IFT80: variants seen among roughly 807,000 people sequenced by gnomAD.
IFT80 encodes intraflagellar transport protein 80 homolog.
IFT80 carries 79 observed loss-of-function variants against 107.9 expected under a neutral mutation model. The observed-to-expected ratio is 0.73, with a 90% CI of 0.61 to 0.88. IFT80 has a LOEUF of 0.88. Ranked by LOEUF, IFT80 falls within the 40% of genes least tolerant of loss-of-function variation. The pLI is 0.00. For synonymous variants in IFT80, 299 were observed against 300.9 expected (o/e 0.99, Z 0.07); for missense variants, 797 against 914.2 (o/e 0.87, Z 1.65).
intron 9 of IFT80, among the ~76,000 whole-genome samples, chr3:160,317,468 C>G (rs974521328): frequency 6.6e-6 from 1 of 152,038 alleles, no homozygotes; most frequent in African/African-American, 2.4e-5. Context: ...AAGAACTCCT[C>G]TTTCTAGATA....
chr3:160,392,380 C>T (rs1490153150), intron 1 of IFT80, among the ~76,000 whole-genome samples: 1 of 152,188 alleles, frequency 6.6e-6, no homozygotes, highest in African/African-American at 2.4e-5. Flanking sequence ...TACCTCTCCA[C>T]TGAACCCCAC....
chr3:160,313,854 C>T lies in IFT80; in HGVS notation c.957+5906G>A, dbSNP rs188231068. 6.1e-3 allele frequency among the ~76,000 whole-genome samples: 932 copies of T among 152,138 alleles called. 13 individuals carry two copies. The highest frequency in any genetic ancestry group is 0.021 in the African/African-American group (889 of 41,518). Reference sequence around the variant, plus strand: ...TTAACTTCTGACCTTGTGATCCACCCGCCTCGGCCTCCCAAAGTGCTGGGA... The same window carrying T: ...TTAACTTCTGACCTTGTGATCCACCTGCCTCGGCCTCCCAAAGTGCTGGGA... On this transcript the variant is annotated intron_variant, in intron 9 of 19. Coordinates refer to ENST00000326448, the MANE Select transcript of IFT80 (RefSeq NM_020800.3).
intron 5 of IFT80, among the ~76,000 whole-genome samples, chr3:160,368,170 T>A (rs1480750255): frequency 1.3e-5 from 2 of 151,818 alleles, no homozygotes; most frequent in Non-Finnish European, 2.9e-5. Flanking sequence ...TTTATTCAAA[T>A]GAAAAGCCCA....
intron 8 of IFT80, among the ~76,000 whole-genome samples, chr3:160,333,303 T>G (rs1343020876): frequency 6.6e-6 from 1 of 152,176 alleles, no homozygotes; most frequent in African/African-American, 2.4e-5. Context: ...ACTATCAATT[T>G]TATAAACACT....
At chr3:160,288,105 G>A (rs555571952) in intron 12 of IFT80, among the ~76,000 whole-genome samples, 159 of 152,304 alleles carry the variant, frequency 1.0e-3, no homozygotes, top group African/African-American at 3.6e-3. Context: ...AGCACTTTGG[G>A]AGGCCGAGGT....
rs147725363 is a variant in IFT80, at chr3:160,307,702, T to C, written c.1037A>G (p.His346Arg). 4 of 1,596,928 alleles carry C rather than the reference T, an allele frequency of 2.5e-6. No homozygotes were observed. The highest frequency in any genetic ancestry group is 3.4e-6 in the Non-Finnish European group (4 of 1,164,382). Residue 346 changes from histidine (H) to arginine (R), a missense_variant, in exon 10 of 20, where the codon CAC becomes CGC. Physicochemically the swap from His to Arg is conservative, Grantham distance 29. Transcript: ENST00000326448. ...TTGAAGAGACGTTGAAACAACTAAG[T>C]GTGCATAGTTCAAAGATGCTTTAAT... ...RVIKASLNYA[H>R]LVVSTSLQCY...
chr3:160,293,026 T>C (rs973745231), intron 12 of IFT80, among the ~76,000 whole-genome samples: 1 of 152,194 alleles, frequency 6.6e-6, no homozygotes, highest in Non-Finnish European at 1.5e-5. Flanking sequence ...TATTGGCTGG[T>C]AGCGGAAATA....
chr3:160,307,818 A>G, intron 9 of IFT80, 37 bp from the exon 10 acceptor site: 1 of 1,045,730 alleles, frequency 9.6e-7, no homozygotes, highest in Non-Finnish European at 1.5e-6. Flanking sequence ...TAAACATTAT[A>G]ACATATCCAA....
intron 9 of IFT80, among the ~76,000 whole-genome samples, chr3:160,312,629 A>T (rs1456457020): frequency 8.1e-5 from 5 of 61,482 alleles, no homozygotes; most frequent in Non-Finnish European, 1.5e-4. Context: ...TAATATATAT[A>T]TATAATAAAT....
intron 8 of IFT80, among the ~76,000 whole-genome samples, chr3:160,331,127 A>G (rs922542762): frequency 1.3e-5 from 2 of 152,110 alleles, no homozygotes; most frequent in Non-Finnish European, 2.9e-5. Context: ...TCTTTGGCAC[A>G]CTGAATTGCT....
intron 18 of IFT80, among the ~76,000 whole-genome samples, chr3:160,269,560 T>C (rs1221220226): frequency 6.6e-6 from 1 of 152,226 alleles, no homozygotes; most frequent in Non-Finnish European, 1.5e-5. Flanking sequence ...CTAAATAAAT[T>C]GCTGCTGAAA....
intron 8 of IFT80, among the ~76,000 whole-genome samples, chr3:160,338,790 C>T: frequency 6.6e-6 from 1 of 152,324 alleles, no homozygotes; most frequent in South Asian, 2.1e-4. Context: ...CCAATCTCTT[C>T]TGGCTCTTGC....
chr3:160,351,562 T>C (rs1394671958), intron 8 of IFT80, among the ~76,000 whole-genome samples: 2 of 142,412 alleles, frequency 1.4e-5, no homozygotes, highest in Non-Finnish European at 1.6e-5. Context: ...TATATGTATA[T>C]ATATATACAC....
rs186586642 is a variant in IFT80 at position 160,381,398 on chromosome 3, T to C, written c.259+105A>G. Reference sequence around the variant, plus strand: ...GAAATACAATATGTGGATAAAAATATGCAGATCCACAAATACCAGTTTTGT... The same window carrying C: ...GAAATACAATATGTGGATAAAAATACGCAGATCCACAAATACCAGTTTTGT... On this transcript the variant is annotated intron_variant, in intron 3 of 19. Coordinates refer to ENST00000326448, the MANE Select transcript of IFT80 (RefSeq NM_020800.3). 9.4e-4 allele frequency: 787 copies of C among 833,128 alleles called. 10 individuals are homozygous for C. The highest frequency in any genetic ancestry group is 8.3e-3 in the African/African-American group (491 of 58,806). 51.6% of individuals were successfully genotyped at this position (833,128 alleles called of 1,614,324 possible). A position where few individuals can be genotyped will look rare whatever the true frequency, so the allele number is the denominator to read the frequency against.
intron 8 of IFT80, among the ~76,000 whole-genome samples, chr3:160,347,088 C>T (rs916514878): frequency 6.6e-6 from 1 of 152,068 alleles, no homozygotes; most frequent in African/African-American, 2.4e-5. Flanking sequence ...TTGTGAGAAC[C>T]ACAACTTTTT....
chr3:160,274,509 G>A (rs1204986561), intron 18 of IFT80: 1 of 152,164 alleles, frequency 6.6e-6, no homozygotes, highest in Non-Finnish European at 1.5e-5. Context: ...GAGAGTAAGG[G>A]CATGAATATT....
In IFT80 at chr3:160,347,855, T is replaced by G. The variant is rs143557565; in HGVS notation, c.777+8158A>C. The stretch of plus-strand genomic sequence containing the variant: ...TCACTATTAATACTGTGATGAAAAC[T>G]GATATGCATATATCTTTGTGTACTT... On this transcript the variant is annotated intron_variant, in intron 8 of 19. Transcript: ENST00000326448. Among the ~76,000 whole-genome samples the G allele has an allele frequency of 7.9e-5, 12 of 152,336 alleles. No individual in the cohort carries two copies. The East Asian group carries it at 2.3e-3, about 29-fold the overall frequency.
At chr3:160,390,262 A>G (rs1325994234) in intron 1 of IFT80, among the ~76,000 whole-genome samples, 1 of 151,972 alleles carries the variant, frequency 6.6e-6, no homozygotes, top group Non-Finnish European at 1.5e-5. Context: ...TACTAAAAAT[A>G]AAAAATTAGC....
intron 10 of IFT80, among the ~76,000 whole-genome samples, chr3:160,305,100 GA>G (rs1340674854): frequency 5.4e-4 from 82 of 152,196 alleles, no homozygotes; most frequent in Non-Finnish European, 1.0e-4. Context: ...TTTACAAACA[GA>G]AAAACCCATC....
Sources: allele counts gnomAD v4.1 joint callset (sites outside exome capture counted in the v4.1 genomes callset), GRCh38; gene constraint gnomAD v4.1.1; transcripts MANE v1.5; gene names NCBI Gene and HGNC (gene_info 2026-07-23, HGNC 2026-07-21).